MECR: variants seen among roughly 807,000 people sequenced by gnomAD.
MECR encodes mitochondrial trans-2-enoyl-CoA reductase, also known as enoyl-[acyl-carrier-protein] reductase, mitochondrial.
MECR carries 37 observed loss-of-function variants against 49.1 expected under a neutral mutation model. The observed-to-expected ratio is 0.75, with a 90% CI of 0.58 to 0.99. The LOEUF is 0.99. Among genes scored for constraint, MECR ranks in the 50% least tolerant of loss-of-function variants. The pLI is 0.00. For missense variants in MECR, 470 were observed against 479.6 expected, an observed-to-expected ratio of 0.98 and a Z score of 0.19; for synonymous variants, 198 against 191.1, an observed-to-expected ratio of 1.04 and a Z score of -0.30.
At chr1:29,227,613 C>T (rs879364354) in intron 1 of MECR, among the ~76,000 whole-genome samples, 1 of 152,138 alleles carries the variant, frequency 6.6e-6, no homozygotes. Flanking sequence ...TTCCTTCCCT[C>T]CTGCTTGCAG....
At chr1:29,169,517 T>C in the MECR span, 3 of 152,210 alleles carry the variant, frequency 2.0e-5, no homozygotes, top group African/African-American at 7.2e-5. Flanking sequence ...TTGTGAACAT[T>C]TATTCTCTAC....
Position 29,206,863 on chromosome 1 carries a change from A to G in MECR, c.449T>C (p.Ile150Thr). The G allele has an allele frequency of 6.2e-7, 1 of 1,614,154 alleles. No homozygotes were observed. Among genetic ancestry groups the G allele is most frequent in the Non-Finnish European group, 8.5e-7 (1 of 1,180,016 alleles). Reference sequence around the variant, plus strand: ...AAGAGGGATGTCACTCGGAACTTGGATCAGTGCTTCCTCGCTGAACACAGC... The same window carrying G: ...AAGAGGGATGTCACTCGGAACTTGGGTCAGTGCTTCCTCGCTGAACACAGC... Reference protein sequence around the residue: ...TEAVFSEEALIQVPSDIPLQS... With the variant: ...TEAVFSEEALTQVPSDIPLQS... The change falls in exon 4 of 10, where the codon ATC (isoleucine) becomes ACC (threonine). Residue 150 changes from isoleucine to threonine, a missense_variant. Coordinates refer to ENST00000263702, the MANE Select transcript of MECR (RefSeq NM_016011.5).
chr1:29,217,619 T>A (rs1414749476), intron 1 of MECR, among the ~76,000 whole-genome samples: 1 of 152,176 alleles, frequency 6.6e-6, no homozygotes, highest in Non-Finnish European at 1.5e-5. Flanking sequence ...GGTATGCTCA[T>A]GGATATAAAT....
chr1:29,175,984 G>A, the MECR span, among the ~76,000 whole-genome samples: 1 of 152,054 alleles, frequency 6.6e-6, no homozygotes, highest in Non-Finnish European at 1.5e-5. Context: ...CGGGCATGGT[G>A]GCTCACACCT....
At chr1:29,221,512 T>C (rs961791002) in intron 1 of MECR, among the ~76,000 whole-genome samples, 24 of 152,196 alleles carry the variant, frequency 1.6e-4, no homozygotes, top group African/African-American at 5.3e-4. Flanking sequence ...GTAATCTGCA[T>C]AAGAGCCAGG....
the MECR span, chr1:29,181,664 T>C: frequency 6.3e-7 from 1 of 1,593,044 alleles, no homozygotes; most frequent in Non-Finnish European, 8.5e-7. Context: ...CAGATCCACC[T>C]CCAGGATCTT....
chr1:29,194,854 G>A lies in MECR; in HGVS notation c.965-675C>T, dbSNP rs574095757. ...GTCTTGTCTGGGTGTGGTGCCTCAC[G>A]CCTGTAATCCCAGCACTCTTGGAGG... On this transcript the variant is annotated intron_variant, in intron 9 of 9. Transcript: ENST00000263702. Among the ~76,000 whole-genome samples, 6 of 152,226 alleles carry A rather than the reference G, an allele frequency of 3.9e-5. No individual in the cohort carries two copies. In the South Asian group the frequency reaches 6.2e-4, roughly 16 times the overall value.
rs762165267 is a variant in MECR at position 29,196,256 on chromosome 1, C to A, written c.833G>T (p.Arg278Leu). 9 of 1,611,488 alleles carry A rather than the reference C, an allele frequency of 5.6e-6. No homozygotes were observed. The highest frequency in any genetic ancestry group is 7.6e-6 in the Non-Finnish European group (9 of 1,178,160). Residue 278 changes from arginine (R) to leucine (L), a missense_variant and splice_region_variant, in exon 8 of 10, where the codon CGT (arginine) becomes CTT (leucine). Coordinates refer to ENST00000263702, the MANE Select transcript of MECR (RefSeq NM_016011.5). ...CCCATAGGTTACCATGGTTCCTCCA[C>A]GCCTGAAAAGTCCAAAGAGAACAAA... ...SSTELLRQLA[R>L]GGTMVTYGGM... is the part of the protein sequence containing the mutation.
chr1:29,180,297 C>A, the MECR span, among the ~76,000 whole-genome samples: 1 of 152,042 alleles, frequency 6.6e-6, no homozygotes, highest in Non-Finnish European at 1.5e-5. Flanking sequence ...TATACAATAA[C>A]GTCTACCCGC....
intron 7 of MECR, among the ~76,000 whole-genome samples, chr1:29,197,738 A>G (rs1163731602): frequency 6.6e-6 from 1 of 152,216 alleles, no homozygotes; most frequent in Non-Finnish European, 1.5e-5. Context: ...CTGGGAGCCA[A>G]GCCCTCTCTC....
At position 29,203,113 on chromosome 1, in the gene MECR, G is replaced by C; in HGVS notation, c.653+18C>G. On this transcript the variant is annotated intron_variant, in intron 5 of 9. Transcript: ENST00000263702. The stretch of plus-strand genomic sequence containing the variant: ...GACCCAAGACATGGTCTGGGATGAA[G>C]CCTCCTTCCCCACGCACCTGTCTCG... 6 of 1,549,984 alleles carry C rather than the reference G, an allele frequency of 3.9e-6. No homozygotes were observed. The highest frequency in any genetic ancestry group is 5.3e-6 in the Non-Finnish European group (6 of 1,142,722).
At chr1:29,179,557 C>T in the MECR span, among the ~76,000 whole-genome samples, 1 of 152,128 alleles carries the variant, frequency 6.6e-6, no homozygotes, top group Non-Finnish European at 1.5e-5. Flanking sequence ...GAGATGGGGT[C>T]AGGCTGGTCT....
At chr1:29,184,196 G>C in the MECR span, among the ~76,000 whole-genome samples, 1 of 124,634 alleles carries the variant, frequency 8.0e-6, no homozygotes, top group East Asian at 2.4e-4. Context: ...TTTTTTTTGA[G>C]ATGGAGTCTT....
chr1:29,172,256 T>C, the MECR span: 2 of 152,126 alleles, frequency 1.3e-5, no homozygotes, highest in African/African-American at 4.8e-5. Flanking sequence ...CAAGAAAAAC[T>C]TCCTGATTAT....
rs367854119 is a variant in MECR, at chr1:29,200,485, C to A, written c.830+31G>T. ...CAGCTAAAGACCTGGAGAGCTCTGG[C>A]GAGCTGGACCTGCAGGCCCAAGGGA... is the stretch of plus-strand genomic sequence containing the variant. On this transcript the variant is annotated intron_variant, in intron 7 of 9. Transcript: ENST00000263702. 39 of 1,599,586 alleles carry A rather than the reference C, an allele frequency of 2.4e-5. No individual in the cohort carries two copies. The South Asian group carries it at 4.1e-4, about 17-fold the overall frequency.
chr1:29,196,257 G>T lies in MECR; in HGVS notation c.832C>A (p.Arg278Ser), dbSNP rs200920712. 1.2e-5 allele frequency: 19 copies of T among 1,611,360 alleles called. No homozygotes were observed. The highest frequency in any genetic ancestry group is 1.4e-5 in the Non-Finnish European group (17 of 1,178,108). The part of the protein sequence containing the change: ...SSTELLRQLA[R>S]GGTMVTYGGM... Reference sequence around the variant, plus strand: ...CCATAGGTTACCATGGTTCCTCCACGCCTGAAAAGTCCAAAGAGAACAAAG... The same window carrying T: ...CCATAGGTTACCATGGTTCCTCCACTCCTGAAAAGTCCAAAGAGAACAAAG... Residue 278 changes from arginine to serine, a missense_variant and splice_region_variant, in exon 8 of 10, where the codon CGT (arginine) becomes AGT (serine). Transcript: ENST00000263702.
chr1:29,190,936 C>T (rs1673112787), downstream of MECR, among the ~76,000 whole-genome samples: 1 of 152,158 alleles, frequency 6.6e-6, no homozygotes, highest in Non-Finnish European at 1.5e-5. Context: ...ATGTACCCAC[C>T]TAAAAGTTGT....
intron 1 of MECR, 21 bp downstream of exon 1, chr1:29,230,710 G>A (rs752335498): frequency 6.4e-7 from 1 of 1,558,482 alleles, no homozygotes; most frequent in African/African-American, 1.4e-5. Context: ...CCCCTTCCCC[G>A]GCTTCGGCGC....
chr1:29,203,165 G>C lies in MECR; in HGVS notation c.619C>G (p.Leu207Val). The C allele has an allele frequency of 6.3e-7, 1 of 1,584,152 alleles. No individual in the cohort carries two copies. Among genetic ancestry groups the C allele is most frequent in the South Asian group, 1.1e-5 (1 of 87,622 alleles). Residue 207 changes from leucine to valine, a missense_variant, in exon 5 of 10, where the codon CTG becomes GTG. Physicochemically the swap from Leu to Val is conservative, Grantham distance 32 (BLOSUM62 1). Transcript: ENST00000263702. ...ACCACATTGATGGTTCTTAGGCCCA[G>C]GGCTGCGGCGATCTGGATGACTGCT... ...GQAVIQIAAA[L>V]GLRTINVVRD...
Sources: allele counts gnomAD v4.1 joint callset (sites outside exome capture counted in the v4.1 genomes callset), GRCh38; gene constraint gnomAD v4.1.1; transcripts MANE v1.5; gene names NCBI Gene and HGNC (gene_info 2026-07-23, HGNC 2026-07-21).